Variants in AGBL1 observed in about 807,000 individuals in gnomAD.
AGBL1 encodes AGBL carboxypeptidase 1.
In AGBL1, 130 loss-of-function variants were observed where a neutral mutation model predicts 118.9. The observed-to-expected ratio is 1.09, with a 90% CI of 0.95 to 1.26. AGBL1 has a LOEUF of 1.26. AGBL1 is among the 50% of genes most tolerant of loss of function. The pLI is 0.00. For missense variants in AGBL1, 1,584 were observed against 1,298.1 expected (o/e 1.22, Z -3.38); for synonymous variants, 555 against 478.9 (o/e 1.16, Z -2.08).
intron 1 of AGBL1, among the ~76,000 whole-genome samples, chr15:86,104,583 G>A (rs997330580): frequency 1.3e-5 from 2 of 152,126 alleles, no homozygotes; most frequent in African/African-American, 2.4e-5. Flanking sequence ...ACGCACAGAG[G>A]TCCTACTGGG....
intron 5 of AGBL1, among the ~76,000 whole-genome samples, chr15:86,202,351 A>G (rs74250499): frequency 0.033 from 5,030 of 152,260 alleles, 125 homozygotes; most frequent in East Asian, 0.092. Context: ...GGGCTCTGTC[A>G]TATGACCCTA....
chr15:86,302,880 T>C (rs903351482), intron 17 of AGBL1, among the ~76,000 whole-genome samples: 24 of 151,984 alleles, frequency 1.6e-4, no homozygotes, highest in African/African-American at 5.8e-4. Flanking sequence ...GAAAAGTAAG[T>C]TGGGCTAAAT....
At chr15:86,616,294 A>G (rs2469159) in intron 21 of AGBL1, among the ~76,000 whole-genome samples, 142,407 of 150,338 alleles carry the variant, frequency 0.95, 67,466 homozygotes, top group East Asian at 1. Flanking sequence ...CCGAGATAGC[A>G]CCACTGCACT....
intron 22 of AGBL1, among the ~76,000 whole-genome samples, chr15:86,827,931 T>C (rs2079051950): frequency 1.5e-5 from 2 of 136,366 alleles, no homozygotes; most frequent in Middle Eastern, 3.8e-3. Context: ...TGGCACTTGA[T>C]GTAGGGCTTT....
chr15:86,530,149 A>G (rs1417608688), intron 19 of AGBL1, among the ~76,000 whole-genome samples: 1 of 141,952 alleles, frequency 7.0e-6, no homozygotes, highest in Admixed American at 6.7e-5. Context: ...CTCCAATTAA[A>G]AGACACAGAC....
chr15:86,712,099 T>G (rs562065646), intron 22 of AGBL1, among the ~76,000 whole-genome samples: 176 of 152,172 alleles, frequency 1.2e-3, no homozygotes, highest in Non-Finnish European at 2.0e-3. Context: ...TTTCTGACTC[T>G]ATAGCCTTTG....
intron 21 of AGBL1, among the ~76,000 whole-genome samples, chr15:86,671,745 GTTCTACT>G (rs955993149): frequency 3.3e-5 from 5 of 152,130 alleles, no homozygotes; most frequent in Non-Finnish European, 7.3e-5. Flanking sequence ...GAGAAGTCAA[GTTCTACT>G]TGACAGTTAC....
intron 17 of AGBL1, among the ~76,000 whole-genome samples, chr15:86,316,316 T>G (rs55740000): frequency 6.6e-6 from 1 of 152,256 alleles, no homozygotes; most frequent in African/African-American, 2.4e-5. Context: ...CCTTAGAACT[T>G]TGAGCTGTGC....
At chr15:86,882,104 T>C (rs1298866444) in intron 22 of AGBL1, among the ~76,000 whole-genome samples, 4 of 152,194 alleles carry the variant, frequency 2.6e-5, no homozygotes, top group Admixed American at 2.0e-4. Context: ...CCAACCTCTC[T>C]TGACCTGCAA....
At chr15:86,851,209 T>A (rs1388696237) in intron 22 of AGBL1, among the ~76,000 whole-genome samples, 3 of 151,928 alleles carry the variant, frequency 2.0e-5, no homozygotes, top group Non-Finnish European at 4.4e-5. Flanking sequence ...AAGAAAGGAG[T>A]GCTGCATATA....
Position 86,674,313 on chromosome 15 carries a change from C to G in AGBL1, c.3035C>G (p.Ala1012Gly). The G allele has an allele frequency of 6.2e-7, 1 of 1,611,942 alleles. No homozygotes were observed. The highest frequency in any genetic ancestry group is 8.5e-7 in the Non-Finnish European group (1 of 1,179,028). The change falls in exon 22 of 23, where the codon GCC (alanine) becomes GGC (glycine). Residue 1012 changes from alanine to glycine, a missense_variant. Coordinates refer to ENST00000614907, the MANE Select transcript of AGBL1 (RefSeq NM_001386094.1). ...FGTRELEEMG[A>G]MFCLGLLILE... ...ACCAGAGAACTGGAGGAGATGGGAG[C>G]CATGTTCTGTTTGGGCCTCCTCATC...
At chr15:86,951,390 G>A (rs1021013211) in intron 23 of AGBL1, among the ~76,000 whole-genome samples, 6 of 152,244 alleles carry the variant, frequency 3.9e-5, no homozygotes, top group African/African-American at 1.4e-4. Context: ...GAATGCTCAC[G>A]ACTGCCCAAT....
chr15:86,110,687 T>C (rs993059765), intron 1 of AGBL1, among the ~76,000 whole-genome samples: 9 of 152,212 alleles, frequency 5.9e-5, no homozygotes, highest in Admixed American at 5.9e-4. Context: ...TTAATCATTT[T>C]ATTTTTTATG....
intron 19 of AGBL1, among the ~76,000 whole-genome samples, chr15:86,531,836 A>G (rs1052697422): frequency 1.5e-4 from 22 of 145,018 alleles, no homozygotes; most frequent in Non-Finnish European, 2.7e-4. Flanking sequence ...AATCCAGCAT[A>G]TAAACAGAGT....
intron 5 of AGBL1, among the ~76,000 whole-genome samples, chr15:86,196,465 T>C (rs957660779): frequency 2.0e-5 from 3 of 152,140 alleles, no homozygotes; most frequent in Non-Finnish European, 4.4e-5. Context: ...ATGTACTGTT[T>C]CTCATGTATC....
downstream of AGBL1, among the ~76,000 whole-genome samples, chr15:86,920,191 T>C (rs539613172): frequency 5.3e-5 from 8 of 152,258 alleles, no homozygotes; most frequent in South Asian, 1.7e-3. Context: ...CAAACTGTTG[T>C]CTGAATTCAG....
intron 23 of AGBL1, among the ~76,000 whole-genome samples, chr15:86,966,751 G>C (rs1369775149): frequency 6.6e-6 from 1 of 152,000 alleles, no homozygotes; most frequent in African/African-American, 2.4e-5. Context: ...TTGGTTCCAA[G>C]TCTTTGCTAT....
intron 20 of AGBL1, among the ~76,000 whole-genome samples, chr15:86,547,239 T>A (rs2083595485): frequency 6.6e-6 from 1 of 152,182 alleles, no homozygotes; most frequent in African/African-American, 2.4e-5. Context: ...AATTAAAGCA[T>A]TCATCTGGGC....
chr15:86,616,339 CAAA>C (rs199936794), intron 21 of AGBL1, among the ~76,000 whole-genome samples: 18 of 49,304 alleles, frequency 3.7e-4, no homozygotes, highest in African/African-American at 1.1e-3. Flanking sequence ...TCCTCCACTT[CAAA>C]AAAAAAAAAA....
Sources: allele counts gnomAD v4.1 joint callset (sites outside exome capture counted in the v4.1 genomes callset), GRCh38; gene constraint gnomAD v4.1.1; transcripts MANE v1.5; gene names NCBI Gene and HGNC (gene_info 2026-07-23, HGNC 2026-07-21).